Variants in STAG2 observed in about 807,000 individuals in gnomAD.
The protein encoded by STAG2 is STAG2 cohesin complex component, also known as cohesin subunit SA-2.
STAG2 carries 14 observed loss-of-function variants against 108.1 expected under a neutral mutation model. The observed-to-expected ratio is 0.13, with a 90% CI of 0.09 to 0.20. STAG2 has a LOEUF of 0.20. Ranked by LOEUF, STAG2 falls within the 10% of genes least tolerant of loss-of-function variation. The pLI, the probability that STAG2 is intolerant of heterozygous loss-of-function variation, is 1.00. For synonymous variants in STAG2, 307 were observed against 302.7 expected, an observed-to-expected ratio of 1.01 and a Z score of -0.15; for missense variants, 440 against 940.9, an observed-to-expected ratio of 0.47 and a Z score of 6.96.
At chrX:124,089,130 C>T (rs1055020280) in intron 30 of STAG2, among the ~76,000 whole-genome samples, 7 of 106,514 alleles carry the variant, frequency 6.6e-5, no homozygotes, top group Non-Finnish European at 1.2e-4. Context: ...TTGCCAGGCT[C>T]GAACTCCTGA....
intron 1 of STAG2, among the ~76,000 whole-genome samples, chrX:124,016,494 G>A (rs1375552004): frequency 1.8e-5 from 2 of 111,728 alleles, no homozygotes; most frequent in Non-Finnish European, 3.8e-5. Flanking sequence ...GTCATAAATA[G>A]TTTCAGTGTA....
chrX:124,017,291 C>A (rs997428567), intron 1 of STAG2, among the ~76,000 whole-genome samples: 1 of 109,871 alleles, frequency 9.1e-6, no homozygotes, highest in African/African-American at 3.3e-5. Context: ...CTCACTGCAA[C>A]CTCCGCTTCC....
chrX:124,001,086 GA>G lies in STAG2; in HGVS notation c.-162-20273del, dbSNP rs1211588777. Among the ~76,000 whole-genome samples the G allele has an allele frequency of 6.3e-4, 70 of 110,984 alleles. 10 individuals carry two copies. Among genetic ancestry groups the G allele is most frequent in the Admixed American group, 5.2e-3 (54 of 10,465 alleles). ...TGAAGTTTAATTTATTATTGAAGAA[GA>G]AAAAAAATTTTTTTTTCTTTAGAGA... On this transcript the variant is annotated intron_variant, in intron 1 of 34. Transcript: ENST00000371145.
intron 5 of STAG2, 23 bp downstream of exon 5, chrX:124,031,148 C>G: frequency 8.4e-7 from 1 of 1,184,845 alleles, no homozygotes; most frequent in Non-Finnish European, 1.1e-6. Flanking sequence ...TTGTTCTTCC[C>G]AGTTCATTTG....
chrX:124,095,709 A>G (rs1263123432), intron 34 of STAG2, among the ~76,000 whole-genome samples: 1 of 111,208 alleles, frequency 9.0e-6, no homozygotes, highest in African/African-American at 3.3e-5. Flanking sequence ...CCAGGTTTGT[A>G]CTGTTCTTCA....
chrX:124,097,742 T>C, intron 34 of STAG2: 1 of 323,226 alleles, frequency 3.1e-6, no homozygotes, highest in East Asian at 9.0e-5. Flanking sequence ...GAAGAGATCA[T>C]TTAGTGACTT....
At chrX:124,061,733 CTCTT>C (rs749702064) in intron 16 of STAG2, 34 bp from the exon 17 acceptor site, 22 of 944,866 alleles carry the variant, frequency 2.3e-5, no homozygotes, top group Admixed American at 1.9e-4. Context: ...AATAAGCTAA[CTCTT>C]TCTGACTTTT....
At position 124,101,476 on chromosome X, in the gene STAG2, A is replaced by G. The variant is rs1366197441; in HGVS notation, c.*879A>G. 1.3e-5 allele frequency: 2 copies of G among 149,097 alleles called. No individual in the cohort carries two copies. Among genetic ancestry groups the G allele is most frequent in the African/African-American group, 3.1e-5 (1 of 32,363 alleles). The allele number at this position is 149,097 out of a possible 1,213,427, so 12.3% of individuals were successfully genotyped here. A position where few individuals can be genotyped will look rare whatever the true frequency, so the allele number is the denominator to read the frequency against. On this transcript the variant is annotated 3_prime_UTR_variant, in exon 35 of 35. Coordinates refer to ENST00000371145, the MANE Select transcript of STAG2 (RefSeq NM_001042750.2). ...GTGGGAATAGGGATCTAAATTTTAA[A>G]TAAAATTATATATATATATAAATTG...
At chrX:124,014,614 G>T (rs1423220551) in intron 1 of STAG2, among the ~76,000 whole-genome samples, 1 of 111,663 alleles carries the variant, frequency 9.0e-6, no homozygotes, top group Non-Finnish European at 1.9e-5. Context: ...GCCTGTCTTG[G>T]CCTCCCAAAG....
chrX:124,010,433 T>C (rs190965506), intron 1 of STAG2, among the ~76,000 whole-genome samples: 56 of 111,950 alleles, frequency 5.0e-4, no homozygotes, highest in African/African-American at 1.8e-3. Context: ...TTAGGGTCCA[T>C]CCGTGTTGTA....
At chrX:123,993,710 G>T (rs1441228696) in intron 1 of STAG2, among the ~76,000 whole-genome samples, 2 of 111,616 alleles carry the variant, frequency 1.8e-5, no homozygotes, top group South Asian at 3.7e-4. Context: ...TTAAAGTGGA[G>T]TATGGATTCA....
chrX:124,053,051 A>C (rs770644300), intron 13 of STAG2, among the ~76,000 whole-genome samples: 1 of 111,629 alleles, frequency 9.0e-6, no homozygotes, highest in Admixed American at 9.5e-5. Flanking sequence ...TCCTGACCTC[A>C]GGTGATCCAC....
Position 124,100,574 on chromosome X carries a change from G to A in STAG2, c.3784G>A (p.Val1262Ile). The change falls in exon 35 of 35, where the codon GTT becomes ATT. Residue 1262 changes from valine (V) to isoleucine (I), a missense_variant and splice_region_variant. This residue lies in a region of STAG2 where 337 missense variants were observed against 649.3 expected (regional missense o/e 0.52). Coordinates refer to ENST00000371145, the MANE Select transcript of STAG2 (RefSeq NM_001042750.2). ...TTCTCCCCTCTCTCTCTCTCATTAG[G>A]TTCTTGGAGTGTCAATGTTTTAATA... is the stretch of plus-strand genomic sequence containing the variant. ...FDPASIMDES[V>I]LGVSMF The A allele has an allele frequency of 8.4e-7, 1 of 1,197,566 alleles. No individual in the cohort carries two copies. Among genetic ancestry groups the A allele is most frequent in the Non-Finnish European group, 1.1e-6 (1 of 884,456 alleles).
intron 1 of STAG2, among the ~76,000 whole-genome samples, chrX:123,974,539 T>C (rs1183009552): frequency 9.3e-6 from 1 of 106,955 alleles, no homozygotes; most frequent in Admixed American, 1.0e-4. Flanking sequence ...ATGATCATCT[T>C]ATATATGCAG....
At chrX:124,017,506 G>A (rs756972143) in intron 1 of STAG2, among the ~76,000 whole-genome samples, 1 of 111,487 alleles carries the variant, frequency 9.0e-6, no homozygotes, top group East Asian at 2.8e-4. Context: ...CACCGTGCCT[G>A]GCCCCTAAAT....
intron 13 of STAG2, among the ~76,000 whole-genome samples, chrX:124,054,902 A>G (rs745327022): frequency 9.0e-6 from 1 of 110,539 alleles, no homozygotes; most frequent in African/African-American, 3.3e-5. Flanking sequence ...GACTATAGCT[A>G]CTGTAGTCCC....
chrX:124,072,661 AAAG>A (rs1294806013), intron 25 of STAG2, among the ~76,000 whole-genome samples: 1 of 106,515 alleles, frequency 9.4e-6, no homozygotes, highest in Non-Finnish European at 1.9e-5. Flanking sequence ...TTCAGGATGA[AAAG>A]AACCAAGTAA....
intron 2 of STAG2, among the ~76,000 whole-genome samples, chrX:124,022,240 C>T (rs2056952367): frequency 9.1e-6 from 1 of 109,953 alleles, no homozygotes; most frequent in East Asian, 2.8e-4. Context: ...TCATGGTGGC[C>T]CGCGCCTGTA....
chrX:124,070,658 A>G (rs1389942709), intron 24 of STAG2, among the ~76,000 whole-genome samples: 2 of 112,121 alleles, frequency 1.8e-5, no homozygotes, highest in Non-Finnish European at 3.8e-5. Flanking sequence ...AGAGTGCTTA[A>G]TAAGTACCAT....
Sources: allele counts gnomAD v4.1 joint callset (sites outside exome capture counted in the v4.1 genomes callset), GRCh38; gene constraint gnomAD v4.1.1; regional missense constraint gnomAD v4.1.1; transcripts MANE v1.5; gene names NCBI Gene and HGNC (gene_info 2026-07-23, HGNC 2026-07-21).